Variants in GNB4 observed in about 807,000 individuals in gnomAD.
The protein encoded by GNB4 is G protein subunit beta 4.
In GNB4, 28 loss-of-function variants were observed where a neutral mutation model predicts 45.2. The ratio of observed to expected loss-of-function variants is 0.62; its 90% CI spans 0.46 to 0.85. The LOEUF (loss-of-function observed/expected upper bound fraction) is 0.85, where lower values mean the gene tolerates loss of function less well. GNB4 is among the 40% of genes least tolerant of loss of function. GNB4 has a pLI of 0.00. For missense variants in GNB4, 321 were observed against 425.4 expected, an observed-to-expected ratio of 0.75 and a Z score of 2.16; for synonymous variants, 132 against 143.7, an observed-to-expected ratio of 0.92 and a Z score of 0.58.
upstream of GNB4, among the ~76,000 whole-genome samples, chr3:179,454,767 G>C (rs1400210714): frequency 6.6e-6 from 1 of 152,082 alleles, no homozygotes; most frequent in Non-Finnish European, 1.5e-5. Context: ...CAATTCTATT[G>C]TGTTTGAAAT....
At chr3:179,412,339 TG>T (rs1714676063) in intron 8 of GNB4, among the ~76,000 whole-genome samples, 1 of 150,702 alleles carries the variant, frequency 6.6e-6, no homozygotes, top group Admixed American at 6.6e-5. Context: ...ACTAGCCAGG[TG>T]TGGTGGTGTA....
the GNB4 span, among the ~76,000 whole-genome samples, chr3:179,519,204 G>C: frequency 6.6e-5 from 10 of 152,216 alleles, no homozygotes; most frequent in Non-Finnish European, 1.2e-4. Context: ...CAAGCCATGT[G>C]CCATCTGTGT....
the GNB4 span, among the ~76,000 whole-genome samples, chr3:179,479,434 T>C: frequency 6.6e-6 from 1 of 152,238 alleles, no homozygotes; most frequent in African/African-American, 2.4e-5. Context: ...AATTTAACAT[T>C]TTTATGTTCA....
chr3:179,400,944 A>G lies in GNB4; in HGVS notation c.*269T>C, dbSNP rs1714277635. The G allele has an allele frequency of 9.7e-6, 3 of 308,830 alleles. No homozygotes were observed. Among genetic ancestry groups the G allele is most frequent in the Non-Finnish European group, 1.8e-5 (3 of 168,360 alleles). The allele number at this position is 308,830 out of a possible 1,614,324, so 19.1% of individuals were successfully genotyped here. A position where few individuals can be genotyped will look rare whatever the true frequency, so the allele number is the denominator to read the frequency against. On this transcript the variant is annotated 3_prime_UTR_variant, in exon 10 of 10. Coordinates refer to ENST00000232564, the MANE Select transcript of GNB4 (RefSeq NM_021629.4). Reference sequence around the variant, plus strand: ...ACATTCTGTTCTACACAAAGAAAATACACTCTGAGTACACACAACAATTCA... The same window carrying G: ...ACATTCTGTTCTACACAAAGAAAATGCACTCTGAGTACACACAACAATTCA...
chr3:179,417,597 A>G (rs1714839464), intron 4 of GNB4, among the ~76,000 whole-genome samples: 1 of 152,154 alleles, frequency 6.6e-6, no homozygotes, highest in Non-Finnish European at 1.5e-5. Context: ...CATGTTGGTC[A>G]GGCTGGTCTT....
chr3:179,408,995 C>A lies in GNB4; in HGVS notation c.700-3589G>T, dbSNP rs185372012. On this transcript the variant is annotated intron_variant, in intron 8 of 9. Transcript: ENST00000232564. ...ACCCTATCTCTGCAAAAAATACACA[C>A]ACGCACACAAAATAGCCAGGCATGG... 3.4e-3 allele frequency among the ~76,000 whole-genome samples: 509 copies of A among 149,122 alleles called. 1 individual carries two copies. The highest frequency in any genetic ancestry group is 5.4e-3 in the Non-Finnish European group (362 of 67,056).
At chr3:179,435,450 C>CA (rs1270384550) in intron 1 of GNB4, among the ~76,000 whole-genome samples, 1 of 140,290 alleles carries the variant, frequency 7.1e-6, no homozygotes. Flanking sequence ...ATGAGATACA[C>CA]ACACCATTCC....
chr3:179,436,020 G>C (rs1715436823), intron 1 of GNB4, among the ~76,000 whole-genome samples: 1 of 152,128 alleles, frequency 6.6e-6, no homozygotes. Flanking sequence ...AAAAATACAA[G>C]TATTTCTTAG....
chr3:179,501,259 C>G, the GNB4 span, among the ~76,000 whole-genome samples: 2 of 151,468 alleles, frequency 1.3e-5, no homozygotes, highest in Non-Finnish European at 2.9e-5. Flanking sequence ...CTTGTCAGTC[C>G]TCTGAATTCC....
chr3:179,403,994 T>C (rs1714388366), intron 9 of GNB4, among the ~76,000 whole-genome samples: 1 of 149,260 alleles, frequency 6.7e-6, no homozygotes, highest in Non-Finnish European at 1.5e-5. Flanking sequence ...GGGTAATGAG[T>C]TTCCGGATCA....
At chr3:179,445,459 AT>A (rs1243739101) in intron 1 of GNB4, among the ~76,000 whole-genome samples, 2 of 151,708 alleles carry the variant, frequency 1.3e-5, no homozygotes, top group African/African-American at 4.8e-5. Flanking sequence ...TAATTTTTGT[AT>A]TTTTTTGTAG....
At chr3:179,474,737 C>CTTTTTTTTTTTTTTTTTTTTTTTT in the GNB4 span, among the ~76,000 whole-genome samples, 5 of 59,726 alleles carry the variant, frequency 8.4e-5, no homozygotes, top group South Asian at 1.2e-3. Context: ...AGACTGGGTC[C>CTTTTTTTTTTTTTTTTTTTTTTTT]TTTTTTTTTT....
At chr3:179,497,754 T>C in the GNB4 span, among the ~76,000 whole-genome samples, 1 of 152,112 alleles carries the variant, frequency 6.6e-6, no homozygotes, top group East Asian at 1.9e-4. Flanking sequence ...TGGACATTTT[T>C]CCAAAGAAAA....
chr3:179,428,580 C>G (rs944214157), intron 1 of GNB4, among the ~76,000 whole-genome samples: 3 of 152,154 alleles, frequency 2.0e-5, no homozygotes, highest in Non-Finnish European at 4.4e-5. Flanking sequence ...GTAAGCACAA[C>G]TAGTTTACAT....
rs996780281 is a variant in GNB4, at chr3:179,404,816, CTA to C, written c.916+372_916+373del. Among the ~76,000 whole-genome samples, 5 of 152,260 alleles carry C rather than the reference CTA, an allele frequency of 3.3e-5. 1 individual carries two copies. The highest frequency in any genetic ancestry group is 1.2e-4 in the African/African-American group (5 of 41,558). ...TATGGGGCTAAGGGAAGCGACAGGT[CTA>C]TGTCCTGTCCCATACAAGATCTGCT... On this transcript the variant is annotated intron_variant, in intron 9 of 9. Transcript: ENST00000232564.
Position 179,399,088 on chromosome 3 carries a change from A to C in GNB4, c.*2125T>G, listed in dbSNP as rs1275395118. The C allele has an allele frequency of 6.6e-6, 1 of 152,190 alleles. No individual in the cohort carries two copies. The highest frequency in any genetic ancestry group is 1.9e-4 in the East Asian group (1 of 5,204). The allele number at this position is 152,190 out of a possible 1,614,324, so 9.4% of individuals were successfully genotyped here. On this transcript the variant is annotated 3_prime_UTR_variant, in exon 10 of 10. Transcript: ENST00000232564. Reference sequence around the variant, plus strand: ...CTAACCTACATGGCAAACTTTCCCCAACCCTCTTTTTCTGGAAATGAATAC... The same window carrying C: ...CTAACCTACATGGCAAACTTTCCCCCACCCTCTTTTTCTGGAAATGAATAC...
chr3:179,469,028 T>C, the GNB4 span, among the ~76,000 whole-genome samples: 1 of 152,198 alleles, frequency 6.6e-6, no homozygotes, highest in Admixed American at 6.5e-5. Context: ...GTCTTTTAGA[T>C]AAACCCTTTA....
upstream of GNB4, among the ~76,000 whole-genome samples, chr3:179,454,033 C>A (rs1015207453): frequency 6.6e-6 from 1 of 152,106 alleles, no homozygotes; most frequent in Non-Finnish European, 1.5e-5. Context: ...AAGAGAGAGA[C>A]TGGGAAGGGA....
At chr3:179,508,930 GTGTATATA>G in the GNB4 span, among the ~76,000 whole-genome samples, 2 of 47,126 alleles carry the variant, frequency 4.2e-5, no homozygotes, top group Admixed American at 2.5e-4. Flanking sequence ...CTTTCAGCAT[GTGTATATA>G]TATATATATA....
Sources: gnomAD v4.1 joint callset for allele counts (sites outside exome capture counted in the v4.1 genomes callset) on GRCh38, gnomAD v4.1.1 for gene constraint, MANE v1.5 for transcripts, NCBI Gene and HGNC (gene_info 2026-07-23, HGNC 2026-07-21) for gene names.